HECW2: variants seen among roughly 807,000 people sequenced by gnomAD.
HECW2 encodes E3 ubiquitin-protein ligase HECW2.
A neutral mutation model predicts 175.2 loss-of-function variants in HECW2; 61 were observed. The ratio of observed to expected loss-of-function variants is 0.35; its 90% CI spans 0.28 to 0.43. HECW2 has a LOEUF of 0.43. Ranked by LOEUF, HECW2 falls within the 20% of genes least tolerant of loss-of-function variation. The pLI is 1.00. For missense variants in HECW2, 1,524 were observed against 2,000.5 expected (o/e 0.76, Z 4.54); for synonymous variants, 671 against 731.0 (o/e 0.92, Z 1.32).
intron 2 of HECW2, among the ~76,000 whole-genome samples, chr2:196,364,957 G>A (rs1034191545): frequency 6.6e-6 from 1 of 152,012 alleles, no homozygotes; most frequent in Admixed American, 6.6e-5. Context: ...TGATGTAAAG[G>A]GATAGAAAGG....
intron 1 of HECW2, among the ~76,000 whole-genome samples, chr2:196,582,037 G>A (rs1483231792): frequency 6.8e-6 from 1 of 148,006 alleles, no homozygotes; most frequent in Non-Finnish European, 1.5e-5. Context: ...CTGCACTCCA[G>A]CCTGGGTGAC....
intron 23 of HECW2, among the ~76,000 whole-genome samples, chr2:196,224,221 A>G (rs1297495018): frequency 1.3e-5 from 2 of 152,222 alleles, no homozygotes; most frequent in Non-Finnish European, 2.9e-5. Context: ...GTAACTGGGC[A>G]TATGGGAGAA....
intron 7 of HECW2, among the ~76,000 whole-genome samples, chr2:196,321,778 G>A (rs1007464161): frequency 2.6e-5 from 4 of 152,126 alleles, no homozygotes; most frequent in African/African-American, 9.7e-5. Flanking sequence ...GGCTATTTCA[G>A]AAGGAAGATA....
At chr2:196,307,890 C>G (rs1575393074) in intron 11 of HECW2, 45 bp downstream of exon 11, 1 of 1,430,908 alleles carries the variant, frequency 7.0e-7, no homozygotes, top group South Asian at 1.7e-5. Context: ...TAAAAATTAG[C>G]CCAACCACAA....
intron 2 of HECW2, among the ~76,000 whole-genome samples, chr2:196,402,200 C>CAAAAAAAA (rs55851966): frequency 4.3e-5 from 3 of 70,380 alleles, no homozygotes; most frequent in African/African-American, 1.0e-4. Flanking sequence ...GACTCTGTCT[C>CAAAAAAAA]AAAAAAAAAA....
At chr2:196,572,323 T>C (rs1026319164) in intron 1 of HECW2, among the ~76,000 whole-genome samples, 5 of 152,036 alleles carry the variant, frequency 3.3e-5, no homozygotes, top group Non-Finnish European at 5.9e-5. Context: ...GCTGGGATTA[T>C]AGGTGTGTGC....
chr2:196,569,457 C>A (rs1430917418), intron 1 of HECW2, among the ~76,000 whole-genome samples: 2 of 152,188 alleles, frequency 1.3e-5, no homozygotes, highest in African/African-American at 4.8e-5. Flanking sequence ...TGACTTCTGT[C>A]TACTTTTTCC....
At chr2:196,541,348 A>G (rs1319143171) in intron 1 of HECW2, among the ~76,000 whole-genome samples, 1 of 152,140 alleles carries the variant, frequency 6.6e-6, no homozygotes, top group African/African-American at 2.4e-5. Context: ...GAAAAGAAAA[A>G]GTGATTATAT....
intron 1 of HECW2, among the ~76,000 whole-genome samples, chr2:196,437,141 T>A (rs1695900603): frequency 6.6e-6 from 1 of 151,218 alleles, no homozygotes. Context: ...GTGGCAGAGG[T>A]GATATCTGAG....
intron 10 of HECW2, among the ~76,000 whole-genome samples, chr2:196,310,193 A>G (rs181389038): frequency 3.3e-5 from 5 of 152,368 alleles, no homozygotes; most frequent in Admixed American, 3.3e-4. Context: ...TTATAGTTCA[A>G]TAAAGACCTT....
intron 1 of HECW2, among the ~76,000 whole-genome samples, chr2:196,437,923 G>T (rs1259148453): frequency 6.6e-6 from 1 of 152,150 alleles, no homozygotes; most frequent in Non-Finnish European, 1.5e-5. Flanking sequence ...GTAAAAGTGG[G>T]GTAAAGAATC....
chr2:196,569,841 G>C (rs1355320672), intron 1 of HECW2, among the ~76,000 whole-genome samples: 1 of 152,252 alleles, frequency 6.6e-6, no homozygotes, highest in South Asian at 2.1e-4. Flanking sequence ...ACATGGAAAA[G>C]TGCTATATAA....
chr2:196,341,473 T>C (rs951318490), intron 3 of HECW2, among the ~76,000 whole-genome samples: 2 of 152,224 alleles, frequency 1.3e-5, no homozygotes, highest in Admixed American at 6.5e-5. Context: ...ATTACTTAGA[T>C]AGTCGTGCCA....
intron 1 of HECW2, among the ~76,000 whole-genome samples, chr2:196,449,924 A>C (rs1696295348): frequency 6.6e-6 from 1 of 152,204 alleles, no homozygotes; most frequent in African/African-American, 2.4e-5. Flanking sequence ...ACAGGAATAA[A>C]GAAGAGACTT....
intron 1 of HECW2, among the ~76,000 whole-genome samples, chr2:196,495,086 T>G (rs1380543553): frequency 6.6e-6 from 1 of 151,908 alleles, no homozygotes; most frequent in African/African-American, 2.4e-5. Context: ...TTTTTTTTTT[T>G]GAGATGGAGT....
intron 17 of HECW2, among the ~76,000 whole-genome samples, chr2:196,270,533 C>T (rs1575330974): frequency 1.3e-5 from 2 of 152,182 alleles, no homozygotes; most frequent in Admixed American, 1.3e-4. Flanking sequence ...CTATATATCT[C>T]AGTTCAATAA....
intron 2 of HECW2, among the ~76,000 whole-genome samples, chr2:196,404,898 C>T (rs1181331411): frequency 8.0e-5 from 11 of 137,030 alleles, no homozygotes; most frequent in African/African-American, 2.4e-4. Flanking sequence ...AATCTCGGCT[C>T]GCTGCAAGCT....
intron 28 of HECW2, among the ~76,000 whole-genome samples, chr2:196,214,267 A>G (rs1575231429): frequency 6.6e-6 from 1 of 152,352 alleles, no homozygotes. Flanking sequence ...CTAAAGCTCC[A>G]GGTCTATATC....
intron 19 of HECW2, among the ~76,000 whole-genome samples, chr2:196,248,627 C>CAGAGAGAG (rs1229374411): frequency 4.0e-5 from 6 of 148,758 alleles, no homozygotes; most frequent in African/African-American, 1.3e-4. Flanking sequence ...CACACACACA[C>CAGAGAGAG]ACACAGAGAG....
Sources: gnomAD v4.1 joint callset for allele counts (sites outside exome capture counted in the v4.1 genomes callset) on GRCh38, gnomAD v4.1.1 for gene constraint, MANE v1.5 for transcripts, NCBI Gene and HGNC (gene_info 2026-07-23, HGNC 2026-07-21) for gene names.